The following LRRC7 variants were observed in gnomAD, a reference collection of about 807,000 sequenced individuals.
LRRC7 encodes leucine-rich repeat-containing protein 7.
A neutral mutation model predicts 175.7 loss-of-function variants in LRRC7; 23 were observed. The observed-to-expected ratio is 0.13, with a 90% confidence interval of 0.09 to 0.19. The LOEUF (loss-of-function observed/expected upper bound fraction) is 0.19. Ranked by LOEUF, LRRC7 falls within the 10% of genes least tolerant of loss-of-function variation. The probability of loss-of-function intolerance (pLI) is 1.00; values close to 1 mark genes in which losing one functional copy is unlikely to be tolerated. For synonymous variants in LRRC7, 685 were observed against 680.9 expected, an observed-to-expected ratio of 1.01 and a Z score of -0.09; for missense variants, 1,354 against 1,904.7, an observed-to-expected ratio of 0.71 and a Z score of 5.38.
intron 4 of LRRC7, among the ~76,000 whole-genome samples, chr1:69,797,237 A>G (rs1162731479): frequency 9.2e-5 from 14 of 152,236 alleles, no homozygotes; most frequent in Non-Finnish European, 2.9e-5. Context: ...ATAAGTAATG[A>G]GTAGCCACTA....
Position 70,142,385 on chromosome 1 carries a change from C to T in LRRC7, c.*20498C>T, listed in dbSNP as rs1277873589. ...ATAATGTTTGGGCATTTCTCTTTAA[C>T]ATCCTCAAATACACTTTCATCCTTG... On this transcript the variant is annotated 3_prime_UTR_variant, in exon 27 of 27. Transcript: ENST00000651989. 2.0e-5 allele frequency: 3 copies of T among 152,116 alleles called. No homozygotes were observed. The highest frequency in any genetic ancestry group is 4.4e-5 in the Non-Finnish European group (3 of 67,984). 9.4% of individuals were successfully genotyped at this position (152,116 alleles called of 1,614,324 possible). A position where few individuals can be genotyped will look rare whatever the true frequency, so the allele number is the denominator to read the frequency against.
intron 7 of LRRC7, among the ~76,000 whole-genome samples, chr1:69,899,130 C>A (rs1203293406): frequency 2.0e-5 from 3 of 152,198 alleles, no homozygotes; most frequent in African/African-American, 7.2e-5. Context: ...ATTGGAGAAG[C>A]AGCAGTAGTC....
At position 70,124,613 on chromosome 1, in the gene LRRC7, A is replaced by G. The variant is rs6678316; in HGVS notation, c.*2726A>G. Reference sequence around the variant, plus strand: ...TAGAATCACTAAACACTTGAGGGGTATAAACCTCACTAATTCTATAGGTGA... The same window carrying G: ...TAGAATCACTAAACACTTGAGGGGTGTAAACCTCACTAATTCTATAGGTGA... On this transcript the variant is annotated 3_prime_UTR_variant, in exon 27 of 27. Transcript: ENST00000651989. 0.11 allele frequency among the ~76,000 whole-genome samples: 16,568 copies of G among 152,150 alleles called. 1,221 individuals carry two copies. The highest frequency in any genetic ancestry group is 0.2 in the African/African-American group (8,374 of 41,466).
chr1:69,697,446 A>G (rs1022053750), intron 2 of LRRC7, among the ~76,000 whole-genome samples: 1 of 152,170 alleles, frequency 6.6e-6, no homozygotes, highest in Non-Finnish European at 1.5e-5. Context: ...ATGTTTTTTA[A>G]TCAGATTCAC....
At chr1:69,964,375 T>G (rs1299632955) in intron 8 of LRRC7, among the ~76,000 whole-genome samples, 1 of 152,172 alleles carries the variant, frequency 6.6e-6, no homozygotes, top group African/African-American at 2.4e-5. Flanking sequence ...ACACAACAAG[T>G]AAGCGACAAA....
At chr1:69,674,978 A>T (rs949308908) in intron 1 of LRRC7, among the ~76,000 whole-genome samples, 2 of 152,212 alleles carry the variant, frequency 1.3e-5, no homozygotes, top group African/African-American at 4.8e-5. Context: ...AGCATTTTAC[A>T]TGTGTTACCA....
At chr1:69,846,233 G>T (rs1172002615) in intron 7 of LRRC7, among the ~76,000 whole-genome samples, 3 of 152,056 alleles carry the variant, frequency 2.0e-5, no homozygotes, top group Admixed American at 2.0e-4. Context: ...AAAACACTGA[G>T]TTCTGCCTTG....
intron 7 of LRRC7, among the ~76,000 whole-genome samples, chr1:69,869,296 T>C (rs529401688): frequency 6.6e-5 from 10 of 152,128 alleles, no homozygotes; most frequent in African/African-American, 2.4e-4. Flanking sequence ...GGAAATAAAA[T>C]TGGCACAGGA....
rs1454698499 is a variant in LRRC7 at position 69,828,858 on chromosome 1, A to G, written c.500+3032A>G. On this transcript the variant is annotated intron_variant, in intron 5 of 26. Transcript: ENST00000651989. ...TAAAACTTAGAATTTTATATGGTTT[A>G]ACTGTTCTATTAGAGGTCAGATGCT... Among the ~76,000 whole-genome samples the G allele has an allele frequency of 2.0e-5, 3 of 151,964 alleles. No homozygotes were observed. In the East Asian group the frequency reaches 5.8e-4, roughly 29 times the overall value.
At chr1:70,116,546 C>CAAAAAAA (rs11336931) in intron 26 of LRRC7, among the ~76,000 whole-genome samples, 1 of 104,912 alleles carries the variant, frequency 9.5e-6, no homozygotes, top group Non-Finnish European at 2.0e-5. Context: ...GACTCCATGT[C>CAAAAAAA]AAAAAAAAAA....
chr1:69,845,480 G>A (rs1040460745), intron 7 of LRRC7, among the ~76,000 whole-genome samples: 3 of 151,668 alleles, frequency 2.0e-5, no homozygotes, highest in South Asian at 4.2e-4. Context: ...TTACTCCATA[G>A]ACAGACTTAT....
rs1292495919 is a variant in LRRC7 at position 70,122,923 on chromosome 1, AT to A, written c.*1040del. ...TGCTGTTAGAAAGTTATGGTAGGTGATTTTAAATCCTTGGTATTTAAATATG... is the reference window on the plus strand; with the variant it reads ...TGCTGTTAGAAAGTTATGGTAGGTGATTTAAATCCTTGGTATTTAAATATG... On this transcript the variant is annotated 3_prime_UTR_variant, in exon 27 of 27. Transcript: ENST00000651989. The A allele has an allele frequency of 6.6e-6, 1 of 152,548 alleles. No homozygotes were observed. The highest frequency in any genetic ancestry group is 2.4e-5 in the African/African-American group (1 of 41,454). The allele number at this position is 152,548 out of a possible 1,614,324, so 9.4% of individuals were successfully genotyped here.
At chr1:70,117,897 A>G (rs4650027) in intron 26 of LRRC7, among the ~76,000 whole-genome samples, 19,360 of 152,130 alleles carry the variant, frequency 0.13, 1,699 homozygotes, top group African/African-American at 0.24. Context: ...TATTAATTTA[A>G]CATTTGTTCT....
chr1:70,043,008 A>G (rs970408066), intron 21 of LRRC7, among the ~76,000 whole-genome samples: 1 of 151,916 alleles, frequency 6.6e-6, no homozygotes, highest in Non-Finnish European at 1.5e-5. Flanking sequence ...TTTTTTTTCC[A>G]AAATGAGAGA....
chr1:70,066,782 T>C (rs139204560), intron 23 of LRRC7, among the ~76,000 whole-genome samples: 140 of 152,214 alleles, frequency 9.2e-4, no homozygotes, highest in African/African-American at 3.3e-3. Flanking sequence ...GGTACTTGCA[T>C]GTTCAATTTG....
At chr1:70,108,104 A>T (rs1435182598) in intron 26 of LRRC7, among the ~76,000 whole-genome samples, 3 of 149,416 alleles carry the variant, frequency 2.0e-5, no homozygotes, top group African/African-American at 7.3e-5. Context: ...AAATATATAT[A>T]TTATATATAT....
intron 13 of LRRC7, among the ~76,000 whole-genome samples, chr1:70,016,034 G>A (rs945743428): frequency 1.3e-4 from 20 of 152,150 alleles, no homozygotes; most frequent in African/African-American, 4.3e-4. Context: ...TTTAAATGAG[G>A]AGTCAAGAAA....
rs1370851520 is a variant in LRRC7 at position 70,126,463 on chromosome 1, C to G, written c.*4576C>G. ...CTGGGTTGGTAATGTGTCCTCTCTT[C>G]ACACTTGTAGCTACCTGATCATCTG... On this transcript the variant is annotated 3_prime_UTR_variant, in exon 27 of 27. Coordinates refer to ENST00000651989, the MANE Select transcript of LRRC7 (RefSeq NM_001370785.2). 1.3e-5 allele frequency among the ~76,000 whole-genome samples: 2 copies of G among 152,074 alleles called. No individual in the cohort carries two copies. The highest frequency in any genetic ancestry group is 2.9e-5 in the Non-Finnish European group (2 of 68,010).
rs554667294 is a variant in LRRC7 at position 69,667,631 on chromosome 1, G to A, written c.3-10750G>A. 6.6e-5 allele frequency among the ~76,000 whole-genome samples: 10 copies of A among 152,136 alleles called. No homozygotes were observed. The South Asian group carries it at 1.7e-3, about 25-fold the overall frequency. On this transcript the variant is annotated intron_variant, in intron 1 of 26. Transcript: ENST00000651989. ...ATTTAAGTATAGGTACTCCTGCTCCGTTTTGGTTTCCATTGGCATGGAATA... is the reference window on the plus strand; with the variant it reads ...ATTTAAGTATAGGTACTCCTGCTCCATTTTGGTTTCCATTGGCATGGAATA...
Sources: gnomAD v4.1 joint callset for allele counts (sites outside exome capture counted in the v4.1 genomes callset) on GRCh38, gnomAD v4.1.1 for gene constraint, MANE v1.5 for transcripts, NCBI Gene and HGNC (gene_info 2026-07-23, HGNC 2026-07-21) for gene names.